The following ADGRL4 variants were observed in gnomAD, a reference collection of about 807,000 sequenced individuals.
ADGRL4 encodes EGF, latrophilin and seven transmembrane domain containing 1.
Under a neutral mutation model 74.8 loss-of-function variants are expected in ADGRL4, and 90 were observed. The ratio of observed to expected loss-of-function variants is 1.20; its 90% CI spans 1.02 to 1.43. ADGRL4 has a LOEUF of 1.43. Ranked by LOEUF, ADGRL4 falls within the 40% of genes most tolerant of loss-of-function variation. ADGRL4 has a pLI of 0.00. For missense variants in ADGRL4, 881 were observed against 814.3 expected, an observed-to-expected ratio of 1.08 and a Z score of -1.00; for synonymous variants, 311 against 279.2, an observed-to-expected ratio of 1.11 and a Z score of -1.14.
chr1:78,938,097 T>C lies in ADGRL4; in HGVS notation c.576+3A>G, dbSNP rs761298357. On this transcript the variant is annotated splice_donor_region_variant and intron_variant, in intron 5 of 14. Transcript: ENST00000370742. ...ATATTGAGTTAAAGCTGAACATACT[T>C]ACAGTAAGAGTTGAGTTAGAAAGGG... 2 of 1,612,152 alleles carry C rather than the reference T, an allele frequency of 1.2e-6. No individual in the cohort carries two copies. The highest frequency in any genetic ancestry group is 1.7e-6 in the Non-Finnish European group (2 of 1,179,374).
chr1:79,004,972 A>G (rs1650928716), intron 2 of ADGRL4, 98 bp downstream of exon 2: 2 of 1,178,458 alleles, frequency 1.7e-6, no homozygotes, highest in South Asian at 3.1e-5. Flanking sequence ...ATTAAACAGT[A>G]TAACACAAAA....
At chr1:78,996,940 C>T (rs775390036) in intron 2 of ADGRL4, among the ~76,000 whole-genome samples, 25 of 152,110 alleles carry the variant, frequency 1.6e-4, no homozygotes, top group Non-Finnish European at 1.5e-5. Flanking sequence ...ATTGCAACAA[C>T]AAAAGTTACA....
chr1:78,992,383 C>A (rs1358682555), intron 2 of ADGRL4, among the ~76,000 whole-genome samples: 1 of 151,998 alleles, frequency 6.6e-6, no homozygotes, highest in East Asian at 1.9e-4. Context: ...TGGAAAACAG[C>A]ATTACCTTGC....
intron 12 of ADGRL4, among the ~76,000 whole-genome samples, chr1:78,902,552 T>C (rs1305286234): frequency 6.6e-6 from 1 of 152,154 alleles, no homozygotes; most frequent in African/African-American, 2.4e-5. Context: ...CTAGAGTTTA[T>C]GCTCCTGAGC....
At chr1:78,979,634 A>C (rs1650360774) in intron 2 of ADGRL4, among the ~76,000 whole-genome samples, 1 of 151,932 alleles carries the variant, frequency 6.6e-6, no homozygotes, top group Non-Finnish European at 1.5e-5. Flanking sequence ...AATTGCAGAG[A>C]TATAGAACCA....
rs549191626 is a variant in ADGRL4, at chr1:78,948,413, T to A, written c.173-1987A>T. On this transcript the variant is annotated intron_variant, in intron 2 of 14. Transcript: ENST00000370742. ...AGTAAGTACACACTCACTTAAAAAA[T>A]TTAAAATTTAAAAAATTTTAAAAGC... Among the ~76,000 whole-genome samples the A allele has an allele frequency of 3.2e-4, 49 of 152,122 alleles. 1 individual carries two copies. The highest frequency in any genetic ancestry group is 1.1e-3 in the African/African-American group (47 of 41,494).
At chr1:78,925,906 C>A (rs912775152) in intron 8 of ADGRL4, among the ~76,000 whole-genome samples, 4 of 152,028 alleles carry the variant, frequency 2.6e-5, no homozygotes, top group Admixed American at 1.3e-4. Flanking sequence ...TTAAAAACGT[C>A]TTTTGCATTT....
At position 78,955,364 on chromosome 1, in the gene ADGRL4, A is replaced by T. The variant is rs184756718; in HGVS notation, c.173-8938T>A. On this transcript the variant is annotated intron_variant, in intron 2 of 14. Transcript: ENST00000370742. ...CTGATATGACATAAATGTTAAACTTAAAATTGTTTTTAACTTTATTTGTGG... is the reference window on the plus strand; with the variant it reads ...CTGATATGACATAAATGTTAAACTTTAAATTGTTTTTAACTTTATTTGTGG... Among the ~76,000 whole-genome samples, 32 of 152,192 alleles carry T rather than the reference A, an allele frequency of 2.1e-4. No individual in the cohort carries two copies. The East Asian group carries it at 5.6e-3, about 27-fold the overall frequency.
At position 78,920,243 on chromosome 1, in the gene ADGRL4, G is replaced by T; in HGVS notation, c.1401C>A (p.Cys467Ter). The T allele has an allele frequency of 6.2e-7, 1 of 1,612,052 alleles. No individual in the cohort carries two copies. Among genetic ancestry groups the T allele is most frequent in the Non-Finnish European group, 8.5e-7 (1 of 1,178,834 alleles). The change falls in exon 10 of 15, where the codon TGC becomes TGA. Residue 467 changes from cysteine to a stop codon, truncating the protein, a stop_gained. Transcript: ENST00000370742. LOFTEE classifies it high-confidence loss of function. Reference sequence around the variant, plus strand: ...CAAGTTCAGCAAGAAATAGGCTACAGCAAAGATTTTTGTGAATTGTTGTCC... The same window carrying T: ...CAAGTTCAGCAAGAAATAGGCTACATCAAAGATTTTTGTGAATTGTTGTCC... ...STRTTIHKNL[C>*]CSLFLAELVF...
chr1:78,965,638 C>A (rs538893511), intron 2 of ADGRL4, among the ~76,000 whole-genome samples: 2 of 152,274 alleles, frequency 1.3e-5, no homozygotes, highest in East Asian at 3.9e-4. Flanking sequence ...CTCCTGTATC[C>A]ATTTTTACCA....
intron 3 of ADGRL4, among the ~76,000 whole-genome samples, chr1:78,945,502 G>A (rs1018510043): frequency 3.3e-5 from 5 of 152,140 alleles, no homozygotes; most frequent in Non-Finnish European, 4.4e-5. Flanking sequence ...TTTGGCTCCA[G>A]AGAATTTGCT....
At chr1:78,929,344 G>A (rs530876215) in intron 7 of ADGRL4, among the ~76,000 whole-genome samples, 5 of 151,196 alleles carry the variant, frequency 3.3e-5, no homozygotes, top group Non-Finnish European at 4.4e-5. Flanking sequence ...GCAAAACCAC[G>A]TCTCTACAAA....
intron 2 of ADGRL4, among the ~76,000 whole-genome samples, chr1:78,961,817 G>C (rs75481743): frequency 2.0e-5 from 3 of 152,022 alleles, no homozygotes; most frequent in Non-Finnish European, 2.9e-5. Flanking sequence ...CTCTGTTAAA[G>C]AGCAGTCCTG....
chr1:78,983,310 GACT>G (rs1283240114), intron 2 of ADGRL4, among the ~76,000 whole-genome samples: 2 of 151,710 alleles, frequency 1.3e-5, no homozygotes, highest in East Asian at 3.9e-4. Flanking sequence ...TTTACAAACA[GACT>G]TATTGGATAT....
chr1:78,927,778 C>T (rs1007962968), intron 7 of ADGRL4, among the ~76,000 whole-genome samples: 5 of 152,108 alleles, frequency 3.3e-5, no homozygotes, highest in Non-Finnish European at 7.4e-5. Flanking sequence ...CTCCACATCA[C>T]ATGAATAAAC....
chr1:78,935,142 A>T (rs1649326625), intron 7 of ADGRL4, among the ~76,000 whole-genome samples: 1 of 152,132 alleles, frequency 6.6e-6, no homozygotes, highest in African/African-American at 2.4e-5. Flanking sequence ...TAGCAAATTT[A>T]TGGAACCAAC....
chr1:78,961,264 T>A (rs1649946995), intron 2 of ADGRL4, among the ~76,000 whole-genome samples: 1 of 152,042 alleles, frequency 6.6e-6, no homozygotes, highest in Non-Finnish European at 1.5e-5. Flanking sequence ...TGCCTCAGCC[T>A]CCTGAGTAGC....
intron 2 of ADGRL4, among the ~76,000 whole-genome samples, chr1:79,004,798 C>T: frequency 6.6e-6 from 1 of 151,992 alleles, no homozygotes; most frequent in East Asian, 1.9e-4. Flanking sequence ...TGACTATGCC[C>T]TCTACACCTG....
At chr1:78,914,685 C>A (rs1648833994) in intron 12 of ADGRL4, among the ~76,000 whole-genome samples, 1 of 151,422 alleles carries the variant, frequency 6.6e-6, no homozygotes, top group South Asian at 2.1e-4. Flanking sequence ...CATGCCATAG[C>A]TTTTAGTAAT....
Sources: gnomAD v4.1 joint callset for allele counts (sites outside exome capture counted in the v4.1 genomes callset) on GRCh38, gnomAD v4.1.1 for gene constraint, MANE v1.5 for transcripts, NCBI Gene and HGNC (gene_info 2026-07-23, HGNC 2026-07-21) for gene names.